PRKAG2: variants seen among roughly 807,000 people sequenced by gnomAD.
PRKAG2 encodes protein kinase AMP-activated non-catalytic subunit gamma 2, also known as 5'-AMP-activated protein kinase subunit gamma-2.
PRKAG2 carries 26 observed loss-of-function variants against 69.6 expected under a neutral mutation model. The ratio of observed to expected loss-of-function variants is 0.37; its 90% confidence interval spans 0.27 to 0.52. The LOEUF (loss-of-function observed/expected upper bound fraction) is 0.52. PRKAG2 is among the 20% of genes least tolerant of loss of function. The pLI, the probability that PRKAG2 is intolerant of heterozygous loss-of-function variation, is 0.90. For synonymous variants in PRKAG2, 293 were observed against 285.0 expected, an observed-to-expected ratio of 1.03 and a Z score of -0.28; for missense variants, 557 against 740.0, an observed-to-expected ratio of 0.75 and a Z score of 2.87.
At chr7:151,640,990 A>C (rs1420454177) in intron 4 of PRKAG2, among the ~76,000 whole-genome samples, 1 of 152,102 alleles carries the variant, frequency 6.6e-6, no homozygotes, top group Non-Finnish European at 1.5e-5. Context: ...CAATTTACTC[A>C]TGCTTCCCTT....
At chr7:151,581,236 C>A (rs1172771727) in intron 6 of PRKAG2, among the ~76,000 whole-genome samples, 1 of 152,192 alleles carries the variant, frequency 6.6e-6, no homozygotes, top group Non-Finnish European at 1.5e-5. Flanking sequence ...ACAAACCTAA[C>A]TATAGCAGTA....
intron 15 of PRKAG2, chr7:151,560,229 T>C (rs1022467351): frequency 7.9e-7 from 1 of 1,273,416 alleles, no homozygotes; most frequent in Non-Finnish European, 1.0e-6. Flanking sequence ...ATTGAAGAGG[T>C]CTTTTCAGTG....
chr7:151,560,634 A>G lies in PRKAG2; in HGVS notation c.1585-17T>C. The G allele has an allele frequency of 1.2e-6, 2 of 1,613,908 alleles. No homozygotes were observed. Among genetic ancestry groups the G allele is most frequent in the Non-Finnish European group, 1.7e-6 (2 of 1,179,732 alleles). On this transcript the variant is annotated splice_polypyrimidine_tract_variant and intron_variant, in intron 14 of 15. Coordinates refer to ENST00000287878, the MANE Select transcript of PRKAG2 (RefSeq NM_016203.4). ...CCGATGGACCTGCAAAGAGAAAAGC[A>G]GGACACGTGAAAATTAACATTTAAA...
rs144056256 is a variant in PRKAG2, at chr7:151,696,008, C to T, written c.467-20371G>A. ...CCAGCTCTTCAGGGGTCCGAGGGGGCGGGCCTGATGCCGGCATAAGGTTTG... is the reference window on the plus strand; with the variant it reads ...CCAGCTCTTCAGGGGTCCGAGGGGGTGGGCCTGATGCCGGCATAAGGTTTG... On this transcript the variant is annotated intron_variant, in intron 3 of 15. Coordinates refer to ENST00000287878, the MANE Select transcript of PRKAG2 (RefSeq NM_016203.4). Among the ~76,000 whole-genome samples the T allele has an allele frequency of 9.6e-3, 1,468 of 152,262 alleles. 88 individuals are homozygous for T. The highest frequency in any genetic ancestry group is 0.087 in the Admixed American group (1,333 of 15,292).
intron 3 of PRKAG2, among the ~76,000 whole-genome samples, chr7:151,679,113 G>C (rs944291410): frequency 6.6e-6 from 1 of 152,190 alleles, no homozygotes; most frequent in Non-Finnish European, 1.5e-5. Context: ...AGAGATGGGG[G>C]TGTGTCAGCA....
intron 2 of PRKAG2, among the ~76,000 whole-genome samples, chr7:151,782,562 A>G (rs970681319): frequency 6.6e-6 from 1 of 152,230 alleles, no homozygotes; most frequent in Non-Finnish European, 1.5e-5. Flanking sequence ...AGCTCATAGC[A>G]GACTTTGAGA....
intron 2 of PRKAG2, among the ~76,000 whole-genome samples, chr7:151,783,373 T>A (rs1007639060): frequency 6.6e-6 from 1 of 152,202 alleles, no homozygotes; most frequent in African/African-American, 2.4e-5. Context: ...AGGGTCTCCC[T>A]CTGTCGCTCA....
intron 3 of PRKAG2, among the ~76,000 whole-genome samples, chr7:151,751,479 T>C (rs2074684758): frequency 6.6e-6 from 1 of 151,162 alleles, no homozygotes; most frequent in South Asian, 2.1e-4. Context: ...AACTTCTTTA[T>C]TTCATTGAAC....
chr7:151,638,549 G>A lies in PRKAG2; in HGVS notation c.685-6411C>T, dbSNP rs1373152196. Among the ~76,000 whole-genome samples, 2 of 151,944 alleles carry A rather than the reference G, an allele frequency of 1.3e-5. No individual in the cohort carries two copies. The highest frequency in any genetic ancestry group is 2.9e-5 in the Non-Finnish European group (2 of 67,996). On this transcript the variant is annotated intron_variant, in intron 4 of 15. Coordinates refer to ENST00000287878, the MANE Select transcript of PRKAG2 (RefSeq NM_016203.4). This position sits in a 1 kb window ranked among gnomAD's most constrained non-coding sequence, Gnocchi z 4.3. ...CTCGGGAGGCTGAGGCAGGAGAATC[G>A]CTTGAACCCAGGAGGCGGAACTTGG... is the stretch of plus-strand genomic sequence containing the variant.
At chr7:151,691,807 A>G (rs2151531101) in intron 3 of PRKAG2, among the ~76,000 whole-genome samples, 1 of 152,316 alleles carries the variant, frequency 6.6e-6, no homozygotes, top group East Asian at 1.9e-4. Flanking sequence ...TAGCGATGCC[A>G]CTCTTAGAAG....
intron 3 of PRKAG2, among the ~76,000 whole-genome samples, chr7:151,773,939 G>A (rs970809492): frequency 6.6e-6 from 1 of 152,152 alleles, no homozygotes; most frequent in African/African-American, 2.4e-5. Flanking sequence ...GTGTGGAAGC[G>A]GCAGGAGAGG....
chr7:151,844,387 A>G (rs758543006), intron 1 of PRKAG2, among the ~76,000 whole-genome samples: 47 of 152,202 alleles, frequency 3.1e-4, no homozygotes, highest in Non-Finnish European at 5.7e-4. Context: ...GCTTCCTCAA[A>G]GAGGCGGAAG....
intron 4 of PRKAG2, among the ~76,000 whole-genome samples, chr7:151,660,045 T>A (rs1412411070): frequency 1.3e-5 from 2 of 152,146 alleles, no homozygotes; most frequent in Non-Finnish European, 2.9e-5. Context: ...GGTGACAGAG[T>A]GAGACCCTGT....
At chr7:151,650,879 A>G (rs1828384860) in intron 4 of PRKAG2, among the ~76,000 whole-genome samples, 1 of 152,240 alleles carries the variant, frequency 6.6e-6, no homozygotes, top group African/African-American at 2.4e-5. Context: ...AGGTGCACAT[A>G]TAACTTTTCC....
chr7:151,567,744 TA>T lies in PRKAG2; in HGVS notation c.1233+971del, dbSNP rs1806587055. Among the ~76,000 whole-genome samples, 1 of 152,240 alleles carries T rather than the reference TA, an allele frequency of 6.6e-6. No homozygotes were observed. The highest frequency in any genetic ancestry group is 2.1e-4 in the South Asian group (1 of 4,834). ...AATGTTATTTATATATGTAAATGAT[TA>T]AAATACAAGACTGGGTTGATTGACA... On this transcript the variant is annotated intron_variant, in intron 11 of 15. Coordinates refer to ENST00000287878, the MANE Select transcript of PRKAG2 (RefSeq NM_016203.4). This position sits in a 1 kb window ranked among gnomAD's most constrained non-coding sequence, Gnocchi z 4.2.
intron 1 of PRKAG2, among the ~76,000 whole-genome samples, chr7:151,795,846 CATATATATAT>C (rs55657994): frequency 0.027 from 1,547 of 56,692 alleles, 27 homozygotes; most frequent in Admixed American, 0.053. Context: ...AAACAAATCT[CATATATATAT>C]ATATATATAT....
At position 151,681,000 on chromosome 7, in the gene PRKAG2, T is replaced by C. The variant is rs78325162; in HGVS notation, c.467-5363A>G. On this transcript the variant is annotated intron_variant, in intron 3 of 15. Coordinates refer to ENST00000287878, the MANE Select transcript of PRKAG2 (RefSeq NM_016203.4). ...GTTCTTTGGGTACAGAACGTTCATC[T>C]TTCAAGTAAACAGTTTAAAGAGAAT... Among the ~76,000 whole-genome samples, 136 of 152,352 alleles carry C rather than the reference T, an allele frequency of 8.9e-4. 2 individuals carry two copies. In the East Asian group the frequency reaches 0.022, roughly 25 times the overall value.
chr7:151,703,945 C>A (rs1052162561), intron 3 of PRKAG2, among the ~76,000 whole-genome samples: 1 of 147,680 alleles, frequency 6.8e-6, no homozygotes, highest in Non-Finnish European at 1.5e-5. Flanking sequence ...GCCTGTAATC[C>A]CAGCTACTCA....
At chr7:151,779,679 G>C (rs569736940) in intron 3 of PRKAG2, among the ~76,000 whole-genome samples, 1 of 152,306 alleles carries the variant, frequency 6.6e-6, no homozygotes, top group East Asian at 1.9e-4. Flanking sequence ...CTCTGACTAG[G>C]AGCCCTTGAA....
Sources: gnomAD v4.1 joint callset for allele counts (sites outside exome capture counted in the v4.1 genomes callset) on GRCh38, gnomAD v4.1.1 for gene constraint, Gnocchi (gnomAD v3.1) non-coding constraint, MANE v1.5 for transcripts, NCBI Gene and HGNC (gene_info 2026-07-23, HGNC 2026-07-21) for gene names.